The following CCDC85A variants were observed in gnomAD, a reference collection of about 807,000 sequenced individuals.
CCDC85A encodes coiled-coil domain containing 85A.
Under a neutral mutation model 50.2 loss-of-function variants are expected in CCDC85A, and 38 were observed. That is an observed-to-expected ratio of 0.76 (90% confidence interval 0.58 to 0.99). CCDC85A has a LOEUF of 0.99. CCDC85A is among the 50% of genes least tolerant of loss of function. The pLI is 0.00. For synonymous variants in CCDC85A, 366 were observed against 301.4 expected (o/e 1.21, Z -2.22); for missense variants, 820 against 742.0 (o/e 1.11, Z -1.22).
intron 2 of CCDC85A, among the ~76,000 whole-genome samples, chr2:56,305,908 G>A (rs1275512092): frequency 6.6e-6 from 1 of 152,184 alleles, no homozygotes; most frequent in Non-Finnish European, 1.5e-5. Context: ...AAGTGACAAT[G>A]TGAAGATTGA....
At chr2:56,312,412 T>A (rs1246181387) in intron 2 of CCDC85A, among the ~76,000 whole-genome samples, 1 of 152,156 alleles carries the variant, frequency 6.6e-6, no homozygotes, top group Non-Finnish European at 1.5e-5. Context: ...TAGGTTTGAA[T>A]GTATAATGTA....
chr2:56,234,537 C>T (rs1668918499), intron 2 of CCDC85A, among the ~76,000 whole-genome samples: 2 of 152,156 alleles, frequency 1.3e-5, no homozygotes, highest in African/African-American at 4.8e-5. Context: ...TTTTCATTGT[C>T]TCTTGTATTT....
intron 2 of CCDC85A, among the ~76,000 whole-genome samples, chr2:56,275,730 T>C (rs767800620): frequency 1.0e-3 from 159 of 152,338 alleles, no homozygotes; most frequent in Non-Finnish European, 1.2e-3. Context: ...CATCCCTGTA[T>C]ACTCTTGGTA....
In CCDC85A at chr2:56,184,785, G is replaced by T; in HGVS notation, c.161G>T (p.Arg54Leu). ...CAGTGGAGCAAGGAGGAGCTGATCCGCAGCCTGCGGCGCGCCGAGGCGGAG... is the reference window on the plus strand; with the variant it reads ...CAGTGGAGCAAGGAGGAGCTGATCCTCAGCCTGCGGCGCGCCGAGGCGGAG... ...LLQWSKEELI[R>L]SLRRAEAEKV... Residue 54 changes from arginine to leucine, a missense_variant, in exon 1 of 6, where the codon CGC (arginine) becomes CTC (leucine). By Grantham distance (102) the Arg-to-Leu change is moderately radical (BLOSUM62 -2). Transcript: ENST00000407595. The T allele has an allele frequency of 6.5e-7, 1 of 1,546,218 alleles. No homozygotes were observed. The highest frequency in any genetic ancestry group is 8.7e-7 in the Non-Finnish European group (1 of 1,145,990).
At chr2:56,271,013 T>C (rs1558616325) in intron 2 of CCDC85A, among the ~76,000 whole-genome samples, 3 of 152,218 alleles carry the variant, frequency 2.0e-5, no homozygotes, top group Admixed American at 2.0e-4. Context: ...CTCCATTTTC[T>C]AGATCAGGGA....
intron 2 of CCDC85A, among the ~76,000 whole-genome samples, chr2:56,324,509 T>C (rs1673369761): frequency 6.6e-6 from 1 of 152,058 alleles, no homozygotes; most frequent in African/African-American, 2.4e-5. Flanking sequence ...AGATATCTTA[T>C]TAGAATGGAA....
intron 2 of CCDC85A, among the ~76,000 whole-genome samples, chr2:56,284,983 A>G (rs1332217290): frequency 2.0e-5 from 3 of 152,036 alleles, no homozygotes; most frequent in East Asian, 1.9e-4. Flanking sequence ...CCCCATATAT[A>G]TGGCTTTACA....
rs142827554 is a variant in CCDC85A at position 56,234,184 on chromosome 2, A to G, written c.1240+40744A>G. 2.9e-4 allele frequency among the ~76,000 whole-genome samples: 44 copies of G among 152,206 alleles called. No homozygotes were observed. The East Asian group carries it at 8.0e-3, about 28-fold the overall frequency. On this transcript the variant is annotated intron_variant, in intron 2 of 5. Transcript: ENST00000407595. ...ATCACTGCTTTCATTAGGGAGTGAA[A>G]CCATGAGCCCATAGACTTTCACTTT...
At chr2:56,375,246 G>A (rs1304210047) in intron 4 of CCDC85A, among the ~76,000 whole-genome samples, 2 of 152,180 alleles carry the variant, frequency 1.3e-5, no homozygotes, top group Non-Finnish European at 2.9e-5. Flanking sequence ...CTAAAAATAT[G>A]TAGTTTATAT....
At chr2:56,377,897 A>C (rs1301458244) in intron 5 of CCDC85A, among the ~76,000 whole-genome samples, 1 of 151,962 alleles carries the variant, frequency 6.6e-6, no homozygotes, top group East Asian at 1.9e-4. Flanking sequence ...CAAAAAAAAA[A>C]AAAAAAGATA....
chr2:56,327,147 G>A (rs552994655), intron 2 of CCDC85A, among the ~76,000 whole-genome samples: 4 of 152,264 alleles, frequency 2.6e-5, no homozygotes, highest in South Asian at 2.1e-4. Flanking sequence ...GAATTGCAAC[G>A]TAATATACAT....
intron 2 of CCDC85A, among the ~76,000 whole-genome samples, chr2:56,312,913 G>A (rs995788782): frequency 1.3e-5 from 2 of 152,132 alleles, no homozygotes; most frequent in African/African-American, 2.4e-5. Context: ...TTGTTAGTCT[G>A]TAATCCTGAC....
At chr2:56,379,840 A>G in intron 5 of CCDC85A, 1 of 972,502 alleles carries the variant, frequency 1.0e-6, no homozygotes, top group Non-Finnish European at 1.2e-6. Flanking sequence ...AGTCAGAGAA[A>G]TGTGCAATGT....
chr2:56,384,667 C>G lies in CCDC85A; in HGVS notation c.*312C>G. ...TTAGAAATAAGTGTTTTTAACTCCC[C>G]AGATATAATATTGTAATTGGGAAAC... On this transcript the variant is annotated 3_prime_UTR_variant, in exon 6 of 6. Transcript: ENST00000407595. 1 of 242,530 alleles carries G rather than the reference C, an allele frequency of 4.1e-6. No homozygotes were observed. The highest frequency in any genetic ancestry group is 8.2e-6 in the Non-Finnish European group (1 of 121,668). The allele number at this position is 242,530 out of a possible 1,614,324, so 15.0% of individuals were successfully genotyped here.
chr2:56,270,782 T>G (rs1455975647), intron 2 of CCDC85A, among the ~76,000 whole-genome samples: 2 of 152,204 alleles, frequency 1.3e-5, no homozygotes, highest in Non-Finnish European at 2.9e-5. Context: ...AGGTGTTTAA[T>G]GTAGGAACTC....
intron 2 of CCDC85A, among the ~76,000 whole-genome samples, chr2:56,249,062 G>A (rs1317841099): frequency 6.6e-6 from 1 of 152,202 alleles, no homozygotes; most frequent in Non-Finnish European, 1.5e-5. Context: ...GGAAGTCCAG[G>A]AATAAATAGC....
chr2:56,277,031 T>C (rs543789417), intron 2 of CCDC85A, among the ~76,000 whole-genome samples: 9 of 152,204 alleles, frequency 5.9e-5, no homozygotes, highest in Non-Finnish European at 1.2e-4. Context: ...AGCTCTAAAC[T>C]GCTTTGAGCT....
At chr2:56,332,652 T>C (rs1348661635) in intron 2 of CCDC85A, among the ~76,000 whole-genome samples, 1 of 151,460 alleles carries the variant, frequency 6.6e-6, no homozygotes, top group Non-Finnish European at 1.5e-5. Flanking sequence ...TGTCTCTCTA[T>C]CTCTCTCTCC....
intron 2 of CCDC85A, among the ~76,000 whole-genome samples, chr2:56,271,070 G>A (rs954423272): frequency 1.3e-5 from 2 of 152,172 alleles, no homozygotes; most frequent in Non-Finnish European, 2.9e-5. Flanking sequence ...CCCACAGCTT[G>A]TAAGTGGCAG....
Sources: allele counts gnomAD v4.1 joint callset (sites outside exome capture counted in the v4.1 genomes callset), GRCh38; gene constraint gnomAD v4.1.1; transcripts MANE v1.5; gene names NCBI Gene and HGNC (gene_info 2026-07-23, HGNC 2026-07-21).